The following RHOBTB3 variants were observed in gnomAD, a reference collection of about 807,000 sequenced individuals.
RHOBTB3 encodes rho-related BTB domain-containing protein 3.
In RHOBTB3, 47 loss-of-function variants were observed where a neutral mutation model predicts 67.2. The observed-to-expected ratio is 0.70, with a 90% CI of 0.55 to 0.89. RHOBTB3 has a LOEUF of 0.89. Ranked by LOEUF, RHOBTB3 falls within the 40% of genes least tolerant of loss-of-function variation. RHOBTB3 has a pLI of 0.00. For missense variants in RHOBTB3, 631 were observed against 750.0 expected, an observed-to-expected ratio of 0.84 and a Z score of 1.85; for synonymous variants, 273 against 274.2, an observed-to-expected ratio of 1.00 and a Z score of 0.04.
chr5:95,779,597 C>G (rs776576606), intron 8 of RHOBTB3, among the ~76,000 whole-genome samples: 1 of 152,206 alleles, frequency 6.6e-6, no homozygotes, highest in Non-Finnish European at 1.5e-5. Context: ...CAAAATTCAA[C>G]GTAGCACTGG....
At chr5:95,760,696 T>A (rs1329333952) in intron 6 of RHOBTB3, among the ~76,000 whole-genome samples, 1 of 152,232 alleles carries the variant, frequency 6.6e-6, no homozygotes, top group Non-Finnish European at 1.5e-5. Flanking sequence ...ATGCAAGATG[T>A]CATCCTGCCC....
chr5:95,772,704 A>G (rs917059056), intron 8 of RHOBTB3, among the ~76,000 whole-genome samples: 1 of 152,204 alleles, frequency 6.6e-6, no homozygotes, highest in South Asian at 2.1e-4. Flanking sequence ...ATGTTGTTAC[A>G]TTGCTGTGTC....
Position 95,731,626 on chromosome 5 carries a change from G to A in RHOBTB3, c.-57G>A, listed in dbSNP as rs1755254425. ...TGAACTCGCCGCCCGGGGGCCCCGCGAAGCCGTGAGCCGCTGCTTTTCTCC... is the reference window on the plus strand; with the variant it reads ...TGAACTCGCCGCCCGGGGGCCCCGCAAAGCCGTGAGCCGCTGCTTTTCTCC... On this transcript the variant is annotated 5_prime_UTR_variant, in exon 1 of 12. Coordinates refer to ENST00000379982, the MANE Select transcript of RHOBTB3 (RefSeq NM_014899.4). The A allele has an allele frequency of 1.2e-6, 2 of 1,609,064 alleles. No individual in the cohort carries two copies. Among genetic ancestry groups the A allele is most frequent in the African/African-American group, 1.3e-5 (1 of 74,720 alleles).
intron 9 of RHOBTB3, among the ~76,000 whole-genome samples, chr5:95,783,086 TTTTTA>T (rs148126001): frequency 0.2 from 30,772 of 150,522 alleles, 3,177 homozygotes; most frequent in South Asian, 0.27. Flanking sequence ...TATTTTTACT[TTTTTA>T]TTTTATTTAT....
rs185000406 is a variant in RHOBTB3, at chr5:95,788,888, A to C, written c.1720+30A>C. 4 of 1,306,866 alleles carry C rather than the reference A, an allele frequency of 3.1e-6. No individual in the cohort carries two copies. The Admixed American group carries it at 1.0e-4, about 33-fold the overall frequency. 81.0% of individuals were successfully genotyped at this position (1,306,866 alleles called of 1,614,324 possible). On this transcript the variant is annotated intron_variant, in intron 11 of 11. Coordinates refer to ENST00000379982, the MANE Select transcript of RHOBTB3 (RefSeq NM_014899.4). ...ATTGCTAATTTCTGTTTTGAAAAGA[A>C]AACTTTATGTTCTTTGTTCTTAGAT...
chr5:95,757,254 A>G (rs755727727), intron 6 of RHOBTB3, among the ~76,000 whole-genome samples: 22 of 152,234 alleles, frequency 1.4e-4, no homozygotes, highest in Non-Finnish European at 3.1e-4. Flanking sequence ...AAGGTCTTAC[A>G]TCTAAGTGTC....
At chr5:95,744,009 C>T (rs1755678314) in intron 3 of RHOBTB3, among the ~76,000 whole-genome samples, 1 of 148,708 alleles carries the variant, frequency 6.7e-6, no homozygotes, top group Non-Finnish European at 1.5e-5. Flanking sequence ...GCACCTGGCC[C>T]CTCTCCCCCT....
intron 10 of RHOBTB3, among the ~76,000 whole-genome samples, chr5:95,785,659 A>G (rs1189666536): frequency 6.6e-6 from 1 of 152,206 alleles, no homozygotes; most frequent in East Asian, 1.9e-4. Flanking sequence ...ATCTCATGAT[A>G]AATAGCTCCC....
intron 10 of RHOBTB3, among the ~76,000 whole-genome samples, chr5:95,787,605 G>A (rs56365965): frequency 0.23 from 34,626 of 152,028 alleles, 3,974 homozygotes; most frequent in South Asian, 0.28. Context: ...CAACACAAAT[G>A]TCCATTGACA....
intron 6 of RHOBTB3, among the ~76,000 whole-genome samples, chr5:95,759,642 A>G (rs1481937383): frequency 2.0e-5 from 3 of 152,266 alleles, no homozygotes. Context: ...TTTTAAACCT[A>G]CGTTTTTCTC....
In RHOBTB3 at chr5:95,794,178, G is replaced by A. The variant is rs940712504; in HGVS notation, c.*1004G>A. ...GTTGTGTTGTCTTAGCTTTAAAACA[G>A]TCACAGTTCTTGCTCTATCATAGAT... On this transcript the variant is annotated 3_prime_UTR_variant, in exon 12 of 12. Coordinates refer to ENST00000379982, the MANE Select transcript of RHOBTB3 (RefSeq NM_014899.4). 1.1e-5 allele frequency: 4 copies of A among 374,856 alleles called. No individual in the cohort carries two copies. The highest frequency in any genetic ancestry group is 8.5e-5 in the African/African-American group (4 of 47,028). The allele number at this position is 374,856 out of a possible 1,614,324, so 23.2% of individuals were successfully genotyped here.
intron 7 of RHOBTB3, among the ~76,000 whole-genome samples, chr5:95,764,676 C>G (rs938092682): frequency 6.6e-5 from 10 of 152,118 alleles, no homozygotes; most frequent in African/African-American, 2.4e-4. Context: ...TATATATTAA[C>G]TATAAGAAAA....
At chr5:95,780,838 G>A (rs1170164565) in intron 9 of RHOBTB3, among the ~76,000 whole-genome samples, 6 of 152,106 alleles carry the variant, frequency 3.9e-5, no homozygotes, top group Non-Finnish European at 8.8e-5. Flanking sequence ...CTTCTGATTG[G>A]GGCACTTTTA....
At chr5:95,737,152 G>A in intron 3 of RHOBTB3, 77 bp downstream of exon 3, 6 of 982,212 alleles carry the variant, frequency 6.1e-6, no homozygotes, top group East Asian at 2.9e-5. Context: ...GTTTATTAAT[G>A]GATAATAGGG....
chr5:95,731,971 G>A lies in RHOBTB3; in HGVS notation c.115G>A (p.Glu39Lys), dbSNP rs781066409. The A allele has an allele frequency of 1.2e-5, 19 of 1,614,068 alleles. No individual in the cohort carries two copies. The South Asian group carries it at 1.9e-4, about 16-fold the overall frequency. Reference protein sequence around the residue: ...LGRSPLVSGDESSLLLNAAST... With the variant: ...LGRSPLVSGDKSSLLLNAAST... ...GAGAAGCCCTCTGGTCTCCGGGGAC[G>A]AGAGCAGCTTGTTGCTGAACGCGGC... The change falls in exon 2 of 12, where the codon GAG becomes AAG. Residue 39 changes from glutamate (E) to lysine (K), a missense_variant. Coordinates refer to ENST00000379982, the MANE Select transcript of RHOBTB3 (RefSeq NM_014899.4).
intron 8 of RHOBTB3, among the ~76,000 whole-genome samples, chr5:95,773,458 GA>G (rs60255858): frequency 0.033 from 5,057 of 152,286 alleles, 119 homozygotes; most frequent in South Asian, 0.1. Flanking sequence ...TTGGGGAGGG[GA>G]GCTGTAGGCA....
Position 95,731,360 on chromosome 5 carries a change from G to A in RHOBTB3, c.-323G>A, listed in dbSNP as rs2112765485. ...CAGCAGGAGGCGACAGCTGCCAGCC[G>A]AGGAGGCGCGGCGGAGAGGGGACTG... On this transcript the variant is annotated 5_prime_UTR_variant, in exon 1 of 12. Transcript: ENST00000379982. 3 of 1,137,652 alleles carry A rather than the reference G, an allele frequency of 2.6e-6. No individual in the cohort carries two copies. Among genetic ancestry groups the A allele is most frequent in the East Asian group, 9.5e-5 (2 of 21,024 alleles). The allele number at this position is 1,137,652 out of a possible 1,614,324, so 70.5% of individuals were successfully genotyped here.
chr5:95,727,297 G>GAA (rs11422281), upstream of RHOBTB3, among the ~76,000 whole-genome samples: 1 of 151,848 alleles, frequency 6.6e-6, no homozygotes, highest in Admixed American at 6.6e-5. Context: ...AACATAGTTG[G>GAA]AAAAAATCTT....
At chr5:95,750,156 A>T (rs1745047914) in intron 4 of RHOBTB3, among the ~76,000 whole-genome samples, 1 of 152,224 alleles carries the variant, frequency 6.6e-6, no homozygotes, top group African/African-American at 2.4e-5. Context: ...GATGGAGATG[A>T]TAATGTTAGA....
Sources: gnomAD v4.1 joint callset for allele counts (sites outside exome capture counted in the v4.1 genomes callset) on GRCh38, gnomAD v4.1.1 for gene constraint, MANE v1.5 for transcripts, NCBI Gene and HGNC (gene_info 2026-07-23, HGNC 2026-07-21) for gene names.